Variants in ADGRF4 observed in about 807,000 individuals in gnomAD.
ADGRF4 encodes G-protein coupled receptor PGR18.
In ADGRF4, 63 loss-of-function variants were observed where a neutral mutation model predicts 58.5. The observed-to-expected ratio is 1.08, with a 90% CI of 0.88 to 1.33. The LOEUF (loss-of-function observed/expected upper bound fraction) is 1.33, where lower values mean the gene tolerates loss of function less well. Among genes scored for constraint, ADGRF4 ranks in the 40% most tolerant of loss-of-function variants. The pLI, the probability that ADGRF4 is intolerant of heterozygous loss-of-function variation, is 0.00. For missense variants in ADGRF4, 931 were observed against 843.9 expected, an observed-to-expected ratio of 1.10 and a Z score of -1.28; for synonymous variants, 313 against 295.4, an observed-to-expected ratio of 1.06 and a Z score of -0.61.
intron 4 of ADGRF4, 151 bp from the exon 5 acceptor site, chr6:47,712,206 C>A: frequency 1.5e-6 from 1 of 651,680 alleles, no homozygotes; most frequent in South Asian, 2.0e-5. Context: ...CCCACTGTAT[C>A]GTCTCCACCC....
At chr6:47,703,845 C>T (rs1041846626) in intron 1 of ADGRF4, among the ~76,000 whole-genome samples, 3 of 152,154 alleles carry the variant, frequency 2.0e-5, no homozygotes, top group Admixed American at 6.5e-5. Flanking sequence ...CTGTTGGATC[C>T]TTTACTCCCT....
chr6:47,711,676 CTT>C (rs947811623), intron 4 of ADGRF4, among the ~76,000 whole-genome samples: 2 of 152,276 alleles, frequency 1.3e-5, no homozygotes, highest in Admixed American at 1.3e-4. Flanking sequence ...GTTAAAATCT[CTT>C]TTATATCCTT....
At chr6:47,708,754 C>T (rs1020044712) in intron 3 of ADGRF4, among the ~76,000 whole-genome samples, 1 of 152,154 alleles carries the variant, frequency 6.6e-6, no homozygotes, top group African/African-American at 2.4e-5. Context: ...ACTAGGAGTA[C>T]TTCAGTGAAA....
intron 4 of ADGRF4, among the ~76,000 whole-genome samples, chr6:47,711,528 T>C (rs1771872007): frequency 6.6e-6 from 1 of 152,256 alleles, no homozygotes; most frequent in Non-Finnish European, 1.5e-5. Flanking sequence ...CCCAAAGTGC[T>C]GGGATTACAG....
intron 1 of ADGRF4, among the ~76,000 whole-genome samples, chr6:47,706,737 A>T (rs535356266): frequency 6.6e-5 from 10 of 152,096 alleles, no homozygotes; most frequent in Admixed American, 2.0e-4. Context: ...TCTGGGTTGA[A>T]CTCGTGGCTC....
rs757064505 is a variant in ADGRF4 at position 47,714,217 on chromosome 6, T to A, written c.972T>A (p.Val324=). ...RQVNGLVLSV[V]LPERLQEIIL... is the part of the protein sequence containing the mutation. The stretch of plus-strand genomic sequence containing the variant: ...TAAATGGTCTGGTGCTATCAGTGGT[T>A]TTACCAGAAAGGTTGCAAGAAATCA... Residue 324 remains valine (V), a synonymous_variant, in exon 6 of 10, where the codon GTT becomes GTA. Coordinates refer to ENST00000283303, the MANE Select transcript of ADGRF4 (RefSeq NM_153838.5). 1 of 1,614,020 alleles carries A rather than the reference T, an allele frequency of 6.2e-7. No individual in the cohort carries two copies. Among genetic ancestry groups the A allele is most frequent in the Non-Finnish European group, 8.5e-7 (1 of 1,179,988 alleles).
chr6:47,710,669 C>G, intron 3 of ADGRF4, 66 bp from the exon 4 acceptor site: 1 of 1,476,766 alleles, frequency 6.8e-7, no homozygotes, highest in African/African-American at 1.4e-5. Context: ...ATTTGATGCA[C>G]CTGTCAAAAT....
chr6:47,715,151 A>G lies in ADGRF4; in HGVS notation c.1906A>G (p.Ile636Val), dbSNP rs1235385214. 2 of 1,589,492 alleles carry G rather than the reference A, an allele frequency of 1.3e-6. No individual in the cohort carries two copies. The highest frequency in any genetic ancestry group is 3.4e-5 in the Admixed American group (2 of 59,408). Residue 636 changes from isoleucine to valine, a missense_variant, in exon 6 of 10, where the codon ATT (isoleucine) becomes GTT (valine). By Grantham distance (29) the Ile-to-Val change is conservative. Transcript: ENST00000283303. ...AGGCACTTCCTTGACGTTCCATATA[A>G]TTTTTGCCTTGCTCAATGCTTTCCA... ...IEGTSLTFHI[I>V]FALLNAFQGF...
chr6:47,710,784 T>G lies in ADGRF4; in HGVS notation c.198T>G (p.Cys66Trp), dbSNP rs1184144237. The G allele has an allele frequency of 1.2e-6, 2 of 1,613,456 alleles. No individual in the cohort carries two copies. The highest frequency in any genetic ancestry group is 1.7e-6 in the Non-Finnish European group (2 of 1,179,684). Residue 66 changes from cysteine to tryptophan, a missense_variant, in exon 4 of 10, where the codon TGT (cysteine) becomes TGG (tryptophan). Transcript: ENST00000283303. ...CTTCTTCCAACTGCAGCCAGCCCTGTGCTAAGGACTTTCATGGAGAAATAG... is the reference window on the plus strand; with the variant it reads ...CTTCTTCCAACTGCAGCCAGCCCTGGGCTAAGGACTTTCATGGAGAAATAG... Reference protein sequence around the residue: ...CISSSNCSQPCAKDFHGEIGF... With the variant: ...CISSSNCSQPWAKDFHGEIGF...
Position 47,702,900 on chromosome 6 carries a change from A to G in ADGRF4, c.-17+4106A>G, listed in dbSNP as rs116304672. On this transcript the variant is annotated intron_variant, in intron 1 of 9. Coordinates refer to ENST00000283303, the MANE Select transcript of ADGRF4 (RefSeq NM_153838.5). ...ACTGGCTGTCCACTCTTTACCAGAA[A>G]CTGGTATGTCCCTCACCTGGGTGAG... Among the ~76,000 whole-genome samples the G allele has an allele frequency of 4.3e-3, 658 of 152,322 alleles. 3 individuals carry two copies. The highest frequency in any genetic ancestry group is 0.014 in the African/African-American group (573 of 41,570).
chr6:47,718,302 A>G (rs1057064133), intron 8 of ADGRF4, 87 bp from the exon 9 acceptor site: 53 of 795,386 alleles, frequency 6.7e-5, no homozygotes, highest in Non-Finnish European at 9.6e-5. Flanking sequence ...TCATGTATTC[A>G]TTTTCACATA....
intron 1 of ADGRF4, among the ~76,000 whole-genome samples, chr6:47,701,325 C>A (rs2113892673): frequency 6.6e-6 from 1 of 152,206 alleles, no homozygotes; most frequent in East Asian, 1.9e-4. Context: ...TATAATCATG[C>A]ACAGAAAGAG....
chr6:47,714,285 C>A lies in ADGRF4; in HGVS notation c.1040C>A (p.Ala347Asp), dbSNP rs1217124438. The A allele has an allele frequency of 6.2e-7, 1 of 1,614,172 alleles. No homozygotes were observed. Among genetic ancestry groups the A allele is most frequent in the South Asian group, 1.1e-5 (1 of 91,078 alleles). The change falls in exon 6 of 10, where the codon GCC (alanine) becomes GAC (aspartate). Residue 347 changes from alanine to aspartate, a missense_variant. Physicochemically the swap from Ala to Asp is moderately radical, Grantham distance 126. Coordinates refer to ENST00000283303, the MANE Select transcript of ADGRF4 (RefSeq NM_153838.5). ...ATCAATAAAACCCGCAATGCCAGAG[C>A]CCAGTGTGTTGGCTGGCACTCCAAG... ...EKINKTRNAR[A>D]QCVGWHSKKR...
At chr6:47,720,649 G>A (rs1430380058) in intron 9 of ADGRF4, among the ~76,000 whole-genome samples, 2 of 152,122 alleles carry the variant, frequency 1.3e-5, no homozygotes, top group Admixed American at 1.3e-4. Flanking sequence ...GCATTCTGTT[G>A]GCGGCCACAG....
chr6:47,714,532 G>T lies in ADGRF4; in HGVS notation c.1287G>T (p.Arg429=). ...CLIIEATVWS[R]VVVTEISYMR... The stretch of plus-strand genomic sequence containing the variant: ...TCATTGAAGCCACAGTGTGGTCCCG[G>T]GTGGTTGTGACGGAGATATCATACA... The change falls in exon 6 of 10, where the codon CGG becomes CGT. Residue 429 remains arginine, a synonymous_variant. Coordinates refer to ENST00000283303, the MANE Select transcript of ADGRF4 (RefSeq NM_153838.5). The T allele has an allele frequency of 6.2e-7, 1 of 1,614,096 alleles. No homozygotes were observed. The highest frequency in any genetic ancestry group is 8.5e-7 in the Non-Finnish European group (1 of 1,180,016).
chr6:47,702,056 C>T (rs1402547871), intron 1 of ADGRF4, among the ~76,000 whole-genome samples: 2 of 152,176 alleles, frequency 1.3e-5, no homozygotes, highest in African/African-American at 4.8e-5. Context: ...TCAGGCTGAT[C>T]TCAAACTCCT....
At chr6:47,710,689 C>A (rs911009753) in intron 3 of ADGRF4, 46 bp from the exon 4 acceptor site, 2 of 1,532,668 alleles carry the variant, frequency 1.3e-6, no homozygotes, top group East Asian at 4.7e-5. Context: ...TGTGGAAATC[C>A]TAATTGGGCT....
In ADGRF4 at chr6:47,712,422, T is replaced by C. The variant is rs1314849570; in HGVS notation, c.366T>C (p.Phe122=). Residue 122 remains phenylalanine (F), a synonymous_variant, in exon 5 of 10, where the codon TTT becomes TTC. Transcript: ENST00000283303. ...CTATACCTCTGCATATTCTAGACTT[T>C]CGAGCTCCAGAGACCATTGAGAGTG... ...APSIPLHILD[F]RAPETIESVA... is the part of the protein sequence containing the mutation. 2 of 1,614,068 alleles carry C rather than the reference T, an allele frequency of 1.2e-6. No individual in the cohort carries two copies. The highest frequency in any genetic ancestry group is 1.7e-6 in the Non-Finnish European group (2 of 1,179,914).
chr6:47,711,123 A>AG (rs67581505), intron 4 of ADGRF4, among the ~76,000 whole-genome samples: 1 of 128,922 alleles, frequency 7.8e-6, no homozygotes, highest in East Asian at 2.1e-4. Context: ...AAAAAAAAAA[A>AG]AAAAAAGATA....
Sources: allele counts gnomAD v4.1 joint callset (sites outside exome capture counted in the v4.1 genomes callset), GRCh38; gene constraint gnomAD v4.1.1; transcripts MANE v1.5; gene names NCBI Gene and HGNC (gene_info 2026-07-23, HGNC 2026-07-21).